SPOCK3: variants seen among roughly 807,000 people sequenced by gnomAD.
The protein encoded by SPOCK3 is SPARC (osteonectin), cwcv and kazal like domains proteoglycan 3.
SPOCK3 carries 30 observed loss-of-function variants against 56.6 expected under a neutral mutation model. That is an observed-to-expected ratio of 0.53 (90% CI 0.40 to 0.72). The LOEUF is 0.72. SPOCK3 is among the 30% of genes least tolerant of loss of function. SPOCK3 has a pLI of 0.00. For synonymous variants in SPOCK3, 196 were observed against 183.3 expected (o/e 1.07, Z -0.56); for missense variants, 527 against 530.0 (o/e 0.99, Z 0.06).
intron 4 of SPOCK3, among the ~76,000 whole-genome samples, chr4:166,939,841 A>C (rs1740849786): frequency 6.6e-6 from 1 of 152,228 alleles, no homozygotes. Flanking sequence ...CAAAATTGGT[A>C]AACATAATTG....
chr4:166,781,802 G>T (rs895083373), intron 7 of SPOCK3, among the ~76,000 whole-genome samples: 1 of 152,026 alleles, frequency 6.6e-6, no homozygotes, highest in African/African-American at 2.4e-5. Flanking sequence ...CATCAGAGTA[G>T]TAAAGAAAAT....
At chr4:167,157,732 T>C (rs1221959906) in intron 2 of SPOCK3, among the ~76,000 whole-genome samples, 3 of 151,682 alleles carry the variant, frequency 2.0e-5, no homozygotes, top group Non-Finnish European at 4.4e-5. Context: ...GAAATGCTAG[T>C]GCAATTTTTA....
At chr4:167,199,194 A>G (rs1351233886) in intron 2 of SPOCK3, among the ~76,000 whole-genome samples, 2 of 150,968 alleles carry the variant, frequency 1.3e-5, no homozygotes, top group Non-Finnish European at 2.9e-5. Flanking sequence ...GAAGTATATT[A>G]GTTATGATCC....
chr4:166,990,750 A>G (rs1174436254), intron 4 of SPOCK3, among the ~76,000 whole-genome samples: 1 of 152,110 alleles, frequency 6.6e-6, no homozygotes, highest in Non-Finnish European at 1.5e-5. Context: ...TGATTAAAAT[A>G]AAATGAATTT....
intron 6 of SPOCK3, among the ~76,000 whole-genome samples, chr4:166,841,298 T>A (rs902632401): frequency 6.6e-6 from 1 of 152,130 alleles, no homozygotes; most frequent in Admixed American, 6.5e-5. Flanking sequence ...GTCTGTGGAG[T>A]TCCAGATGTT....
intron 6 of SPOCK3, among the ~76,000 whole-genome samples, chr4:166,859,362 T>C (rs1186120860): frequency 6.6e-6 from 1 of 152,172 alleles, no homozygotes; most frequent in Admixed American, 6.6e-5. Context: ...TGATATTATT[T>C]CTAATAGAGG....
intron 2 of SPOCK3, among the ~76,000 whole-genome samples, chr4:167,173,205 G>C (rs1730661974): frequency 6.6e-6 from 1 of 151,972 alleles, no homozygotes; most frequent in Non-Finnish European, 1.5e-5. Context: ...ATGCAGAAGT[G>C]GCACTTTATT....
chr4:167,041,011 T>C (rs1753190137), intron 3 of SPOCK3, among the ~76,000 whole-genome samples: 1 of 152,186 alleles, frequency 6.6e-6, no homozygotes, highest in Admixed American at 6.5e-5. Flanking sequence ...TGGTCATGGA[T>C]AGAGCCGGGC....
At chr4:167,054,799 G>T (rs1204724015) in intron 3 of SPOCK3, among the ~76,000 whole-genome samples, 2 of 152,170 alleles carry the variant, frequency 1.3e-5, no homozygotes, top group East Asian at 1.9e-4. Context: ...GGTAGATCAG[G>T]TGTACACGAA....
intron 4 of SPOCK3, among the ~76,000 whole-genome samples, chr4:166,945,673 GGC>G (rs1741637980): frequency 6.6e-6 from 1 of 152,110 alleles, no homozygotes; most frequent in South Asian, 2.1e-4. Context: ...ATGCTTAGAT[GGC>G]ATCCCTAGTT....
At chr4:167,204,124 T>C (rs1050451795) in intron 2 of SPOCK3, among the ~76,000 whole-genome samples, 3 of 151,986 alleles carry the variant, frequency 2.0e-5, no homozygotes. Context: ...TGTATACAAC[T>C]TCCTAGGTTG....
chr4:167,211,545 G>C (rs1313256459), intron 2 of SPOCK3, among the ~76,000 whole-genome samples: 1 of 152,134 alleles, frequency 6.6e-6, no homozygotes, highest in East Asian at 1.9e-4. Flanking sequence ...AATCATGGGG[G>C]CAGGTCTTTC....
At chr4:167,080,944 G>A (rs1432302855) in intron 2 of SPOCK3, among the ~76,000 whole-genome samples, 6 of 145,354 alleles carry the variant, frequency 4.1e-5, no homozygotes, top group Admixed American at 1.4e-4. Flanking sequence ...GCAATGGCAC[G>A]ATCTCGTCTC....
chr4:167,100,981 G>T (rs1370629546), intron 2 of SPOCK3, among the ~76,000 whole-genome samples: 1 of 151,934 alleles, frequency 6.6e-6, no homozygotes, highest in Non-Finnish European at 1.5e-5. Flanking sequence ...ATATATCCTG[G>T]AACCCATGCA....
intron 3 of SPOCK3, among the ~76,000 whole-genome samples, chr4:167,018,580 G>A (rs746790971): frequency 5.3e-5 from 8 of 152,028 alleles, no homozygotes; most frequent in South Asian, 2.1e-4. Context: ...TTCCTCTTCC[G>A]GCATGCTACT....
At chr4:167,167,743 T>TG (rs1730113579) in intron 2 of SPOCK3, among the ~76,000 whole-genome samples, 1 of 152,156 alleles carries the variant, frequency 6.6e-6, no homozygotes, top group Non-Finnish European at 1.5e-5. Flanking sequence ...CAATATATAC[T>TG]TATAATTCTG....
chr4:166,957,624 G>A lies in SPOCK3; in HGVS notation c.350+42725C>T, dbSNP rs542216265. ...CTTGTGTATGCATCACTTACTATAA[G>A]CTGTGACTAAGCCCTTGGGAGCCCA... On this transcript the variant is annotated intron_variant, in intron 4 of 10. Coordinates refer to ENST00000357545, the MANE Select transcript of SPOCK3 (RefSeq NM_001040159.2). Among the ~76,000 whole-genome samples the A allele has an allele frequency of 4.6e-5, 7 of 152,248 alleles. No individual in the cohort carries two copies. The East Asian group carries it at 1.4e-3, about 29-fold the overall frequency.
intron 2 of SPOCK3, among the ~76,000 whole-genome samples, chr4:167,228,140 A>C (rs1352029991): frequency 6.6e-6 from 1 of 152,144 alleles, no homozygotes; most frequent in Non-Finnish European, 1.5e-5. Context: ...TAATAACTAT[A>C]CACATATCTG....
intron 4 of SPOCK3, among the ~76,000 whole-genome samples, chr4:166,954,208 C>A (rs1223147253): frequency 1.3e-5 from 2 of 152,078 alleles, no homozygotes; most frequent in Non-Finnish European, 2.9e-5. Flanking sequence ...ATGTTAACCC[C>A]TTATCAGTTA....
Sources: allele counts gnomAD v4.1 joint callset (sites outside exome capture counted in the v4.1 genomes callset), GRCh38; gene constraint gnomAD v4.1.1; transcripts MANE v1.5; gene names NCBI Gene and HGNC (gene_info 2026-07-23, HGNC 2026-07-21).